Variants in PIK3CA observed in about 807,000 individuals in gnomAD.
The protein encoded by PIK3CA is phosphatidylinositol 4,5-bisphosphate 3-kinase catalytic subunit alpha isoform.
PIK3CA carries 27 observed loss-of-function variants against 138.2 expected under a neutral mutation model. The observed-to-expected ratio is 0.20, with a 90% confidence interval of 0.14 to 0.27. PIK3CA has a LOEUF of 0.27. Ranked by LOEUF, PIK3CA falls within the 10% of genes least tolerant of loss-of-function variation. PIK3CA has a pLI of 1.00. For missense variants in PIK3CA, 544 were observed against 1,277.4 expected (o/e 0.43, Z 8.75); for synonymous variants, 358 against 413.2 (o/e 0.87, Z 1.62).
chr3:179,223,756 T>C (rs1324229812), intron 14 of PIK3CA, among the ~76,000 whole-genome samples: 1 of 152,188 alleles, frequency 6.6e-6, no homozygotes, highest in East Asian at 1.9e-4. Flanking sequence ...GGTGTAGCTA[T>C]ATTCTAATAC....
intron 1 of PIK3CA, among the ~76,000 whole-genome samples, chr3:179,150,143 T>C (rs2108346182): frequency 6.6e-6 from 1 of 150,846 alleles, no homozygotes; most frequent in African/African-American, 2.4e-5. Flanking sequence ...TCAGCCAAAA[T>C]TATCTGAAGA....
chr3:179,168,888 G>T (rs534062192), intron 1 of PIK3CA, among the ~76,000 whole-genome samples: 1 of 151,450 alleles, frequency 6.6e-6, no homozygotes, highest in African/African-American at 2.4e-5. Flanking sequence ...AACACATTCT[G>T]TGTCTATTTT....
intron 9 of PIK3CA, among the ~76,000 whole-genome samples, chr3:179,217,722 T>C (rs1480237607): frequency 6.6e-6 from 1 of 152,070 alleles, no homozygotes; most frequent in Admixed American, 6.6e-5. Flanking sequence ...TTCTTCATTC[T>C]TTTTTTCTTA....
chr3:179,224,319 C>G, intron 15 of PIK3CA, 132 bp downstream of exon 15: 1 of 545,562 alleles, frequency 1.8e-6, no homozygotes, highest in Non-Finnish European at 3.3e-6. Context: ...TTCTCCTACC[C>G]TCAAAATAAG....
chr3:179,169,359 C>T (rs183721477), intron 1 of PIK3CA: 2 of 152,226 alleles, frequency 1.3e-5, no homozygotes, highest in Admixed American at 1.3e-4. Context: ...ATTGGGATTA[C>T]ATCATATGTG....
intron 1 of PIK3CA, among the ~76,000 whole-genome samples, chr3:179,173,370 AAC>A (rs1723609603): frequency 6.8e-6 from 1 of 147,868 alleles, no homozygotes; most frequent in Non-Finnish European, 1.5e-5. Flanking sequence ...CATCCTGGCT[AAC>A]ACACAGTGAA....
chr3:179,172,268 A>C (rs760166735), intron 1 of PIK3CA, among the ~76,000 whole-genome samples: 9 of 152,270 alleles, frequency 5.9e-5, no homozygotes, highest in Non-Finnish European at 1.2e-4. Flanking sequence ...CTGTGAAAAA[A>C]AAAATCATAC....
At chr3:179,206,918 C>CA (rs538878817) in intron 6 of PIK3CA, among the ~76,000 whole-genome samples, 2,281 of 58,122 alleles carry the variant, frequency 0.039, 65 homozygotes, top group South Asian at 0.22. Flanking sequence ...GACCCCGACT[C>CA]AAAAAAAAAA....
intron 7 of PIK3CA, 89 bp from the exon 8 acceptor site, chr3:179,210,097 G>T: frequency 1.0e-6 from 1 of 982,742 alleles, no homozygotes; most frequent in South Asian, 1.6e-5. Flanking sequence ...TTATAGAGAT[G>T]ATTGTTGAAT....
chr3:179,149,512 A>C (rs1296330311), intron 1 of PIK3CA: 3 of 152,218 alleles, frequency 2.0e-5, no homozygotes. Context: ...TGGTTAAATA[A>C]AGGGTAGGGT....
chr3:179,174,218 C>T (rs1723638282), intron 1 of PIK3CA, among the ~76,000 whole-genome samples: 1 of 152,008 alleles, frequency 6.6e-6, no homozygotes. Flanking sequence ...TGCCTGTAAT[C>T]CCAGCACTTT....
intron 1 of PIK3CA, among the ~76,000 whole-genome samples, chr3:179,152,542 G>C (rs904482305): frequency 7.9e-5 from 12 of 152,158 alleles, no homozygotes; most frequent in Non-Finnish European, 1.8e-4. Flanking sequence ...TTTCTTATCT[G>C]TAATGGGGGT....
Position 179,199,894 on chromosome 3 carries a change from A to G in PIK3CA, c.557A>G (p.Asp186Gly), listed in dbSNP as rs2108387960. The G allele has an allele frequency of 6.3e-7, 1 of 1,576,092 alleles. No homozygotes were observed. The highest frequency in any genetic ancestry group is 8.7e-7 in the Non-Finnish European group (1 of 1,145,878). ...ELPKHIYNKL[D>G]KGQIIVVIWV... ...CCAAAGCACATATATAATAAATTAG[A>G]TAAAGGTAAGAAAATGACTAATCTA... The change falls in exon 3 of 21, where the codon GAT (aspartate) becomes GGT (glycine). Residue 186 changes from aspartate (D) to glycine (G), a missense_variant. Asp to Gly is a moderately conservative substitution (Grantham distance 94, BLOSUM62 -1). Transcript: ENST00000263967.
intron 16 of PIK3CA, among the ~76,000 whole-genome samples, chr3:179,225,280 A>G (rs7636454): frequency 0.24 from 36,327 of 151,952 alleles, 5,072 homozygotes; most frequent in African/African-American, 0.38. Context: ...CAGAGAAAAG[A>G]GGGACATTAA....
chr3:179,187,148 A>G (rs2108375515), intron 1 of PIK3CA, among the ~76,000 whole-genome samples: 1 of 152,212 alleles, frequency 6.6e-6, no homozygotes, highest in East Asian at 1.9e-4. Flanking sequence ...AGTTCTAGCT[A>G]GATAATATCT....
At chr3:179,203,201 A>G (rs564860541) in intron 4 of PIK3CA, among the ~76,000 whole-genome samples, 2 of 151,884 alleles carry the variant, frequency 1.3e-5, no homozygotes, top group South Asian at 4.2e-4. Flanking sequence ...CGGCCTCCCA[A>G]AGTGCTGGGA....
At chr3:179,165,337 CAGACCCT>C (rs1448822967) in intron 1 of PIK3CA, among the ~76,000 whole-genome samples, 2 of 152,074 alleles carry the variant, frequency 1.3e-5, no homozygotes, top group Non-Finnish European at 2.9e-5. Flanking sequence ...GCAAATTATC[CAGACCCT>C]AGAAATTCTG....
chr3:179,179,314 A>G lies in PIK3CA; in HGVS notation c.-76-19436A>G, dbSNP rs369520854. 3.3e-5 allele frequency among the ~76,000 whole-genome samples: 5 copies of G among 152,224 alleles called. No homozygotes were observed. The East Asian group carries it at 9.6e-4, about 29-fold the overall frequency. On this transcript the variant is annotated intron_variant, in intron 1 of 20. Transcript: ENST00000263967. The stretch of plus-strand genomic sequence containing the variant: ...TACTACTTAAAAAGAACTAACCACT[A>G]ATACATTAAAACATTGATGAATCCC...
At chr3:179,175,647 A>C (rs1229767825) in intron 1 of PIK3CA, among the ~76,000 whole-genome samples, 1 of 149,142 alleles carries the variant, frequency 6.7e-6, no homozygotes. Flanking sequence ...CCTCTTACTC[A>C]TCCCTTTCTT....
Sources: allele counts gnomAD v4.1 joint callset (sites outside exome capture counted in the v4.1 genomes callset), GRCh38; gene constraint gnomAD v4.1.1; transcripts MANE v1.5; gene names NCBI Gene and HGNC (gene_info 2026-07-23, HGNC 2026-07-21).